The following SZT2 variants were observed in gnomAD, a reference collection of about 807,000 sequenced individuals.
The protein encoded by SZT2 is SZT2 subunit of KICSTOR complex.
SZT2 carries 216 observed loss-of-function variants against 404.2 expected under a neutral mutation model. That is an observed-to-expected ratio of 0.53 (90% CI 0.48 to 0.60). SZT2 has a LOEUF of 0.60. SZT2 is among the 20% of genes least tolerant of loss of function. SZT2 has a pLI of 0.00. For missense variants in SZT2, 3,857 were observed against 4,459.2 expected, an observed-to-expected ratio of 0.86 and a Z score of 3.85; for synonymous variants, 1,693 against 1,749.9, an observed-to-expected ratio of 0.97 and a Z score of 0.81.
At chr1:43,446,040 G>GA (rs1472131814) in intron 63 of SZT2, 56 bp downstream of exon 63, 3 of 1,600,826 alleles carry the variant, frequency 1.9e-6, no homozygotes, top group Non-Finnish European at 2.6e-6. Flanking sequence ...CCCACGGCCT[G>GA]AGGTCATTGA....
At chr1:43,449,321 C>G (rs1656091201) in intron 70 of SZT2, 1 of 161,000 alleles carries the variant, frequency 6.2e-6, no homozygotes, top group Admixed American at 5.8e-5. Context: ...AGAGAGGAGG[C>G]ATTACAAGAG....
At chr1:43,438,531 G>A (rs1654707909) in intron 46 of SZT2, among the ~76,000 whole-genome samples, 168 bp from the exon 47 acceptor site, 1 of 152,118 alleles carries the variant, frequency 6.6e-6, no homozygotes, top group South Asian at 2.1e-4. Context: ...GTGACATAAC[G>A]AGTAGTTTGG....
At chr1:43,409,282 A>G (rs1238729093) in intron 4 of SZT2, among the ~76,000 whole-genome samples, 1 of 152,132 alleles carries the variant, frequency 6.6e-6, no homozygotes, top group East Asian at 1.9e-4. Flanking sequence ...GGGCGTTCCT[A>G]TTGACTGACT....
At position 43,453,870 on chromosome 1, in the gene SZT2, G is replaced by T; in HGVS notation, c.*3390G>T. The T allele has an allele frequency of 8.1e-7, 1 of 1,228,498 alleles. No homozygotes were observed. The highest frequency in any genetic ancestry group is 1.0e-6 in the Non-Finnish European group (1 of 986,664). The allele number at this position is 1,228,498 out of a possible 1,614,324, so 76.1% of individuals were successfully genotyped here. On this transcript the variant is annotated 3_prime_UTR_variant, in exon 72 of 72. Transcript: ENST00000634258. The stretch of plus-strand genomic sequence containing the variant: ...GGCGGGCGGCGGGCGGCGGGCGGGG[G>T]CGGGGCTCTCCTTGCTGGCCCTGCG...
chr1:43,442,283 A>C lies in SZT2; in HGVS notation c.7889A>C (p.Gln2630Pro). The change falls in exon 57 of 72, where the codon CAG (glutamine) becomes CCG (proline). Residue 2630 changes from glutamine (Q) to proline (P), a missense_variant. Physicochemically the swap from Gln to Pro is moderately conservative, Grantham distance 76. Coordinates refer to ENST00000634258, the MANE Select transcript of SZT2 (RefSeq NM_001365999.1). This position sits in a 1 kb window ranked among gnomAD's most constrained non-coding sequence, Gnocchi z 4.5. Reference sequence around the variant, plus strand: ...CACCCTGTAGCTGCCAAAGCCATGCAGCGCTTCGAGCCAGGAGGTGATGGG... The same window carrying C: ...CACCCTGTAGCTGCCAAAGCCATGCCGCGCTTCGAGCCAGGAGGTGATGGG... The part of the protein sequence containing the change: ...RPTQQAAKAM[Q>P]RFEPGGDGSS... 1 of 1,613,742 alleles carries C rather than the reference A, an allele frequency of 6.2e-7. No individual in the cohort carries two copies. Among genetic ancestry groups the C allele is most frequent in the Non-Finnish European group, 8.5e-7 (1 of 1,179,814 alleles).
chr1:43,424,824 GA>G lies in SZT2; in HGVS notation c.2514del (p.Gly839GlufsTer92). On this transcript the variant is annotated frameshift_variant, in exon 17 of 72. Coordinates refer to ENST00000634258, the MANE Select transcript of SZT2 (RefSeq NM_001365999.1). LOFTEE classifies it high-confidence loss of function. This position sits in a 1 kb window ranked among gnomAD's most constrained non-coding sequence, Gnocchi z 4.1. Reference sequence around the variant, plus strand: ...AGGATTCCACTTCGCCTGCAGTGGGGAAGGAATCATCAACATGGTTCTGGAG... The same window carrying G: ...AGGATTCCACTTCGCCTGCAGTGGGGAGGAATCATCAACATGGTTCTGGAG... ...SEGFHFACSG[E>X]GIINMVLELP... 6.2e-7 allele frequency: 1 copy of G among 1,614,064 alleles called. No individual in the cohort carries two copies. The highest frequency in any genetic ancestry group is 8.5e-7 in the Non-Finnish European group (1 of 1,179,958).
intron 29 of SZT2, 64 bp from the exon 30 acceptor site, chr1:43,429,947 G>T: frequency 6.2e-7 from 1 of 1,612,228 alleles, no homozygotes; most frequent in Non-Finnish European, 8.5e-7. Flanking sequence ...CTGCTCTAGG[G>T]TAGGGAGTAG....
Position 43,453,395 on chromosome 1 carries a change from C to T in SZT2, c.*2915C>T, listed in dbSNP as rs141158872. On this transcript the variant is annotated 3_prime_UTR_variant, in exon 72 of 72. Transcript: ENST00000634258. ...GGGTGGAGCGGGGTACCTGGGACAG[C>T]CCAGGGCTTTGGCATACCGCACGGC... The T allele has an allele frequency of 4.9e-4, 756 of 1,553,608 alleles. 4 individuals carry two copies. In the African/African-American group the frequency reaches 9.1e-3, roughly 19 times the overall value.
rs181147154 is a variant in SZT2 at position 43,413,368 on chromosome 1, C to T, written c.499-1714C>T. On this transcript the variant is annotated intron_variant, in intron 4 of 71. Transcript: ENST00000634258. ...CTGCACTCCAGCCTGGGTGACAGAG[C>T]AAGACTCCATCTCAAACAAAAAACA... is the stretch of plus-strand genomic sequence containing the variant. Among the ~76,000 whole-genome samples the T allele has an allele frequency of 2.6e-5, 4 of 152,250 alleles. No homozygotes were observed. The East Asian group carries it at 7.7e-4, about 29-fold the overall frequency.
intron 46 of SZT2, 106 bp downstream of exon 46, chr1:43,438,008 C>G: frequency 1.7e-6 from 2 of 1,193,710 alleles, no homozygotes; most frequent in Non-Finnish European, 2.4e-6. Context: ...ATGTAACAGT[C>G]TCAGCCCAAG....
intron 51 of SZT2, 83 bp downstream of exon 51, chr1:43,440,131 G>A: frequency 6.4e-7 from 1 of 1,556,324 alleles, no homozygotes; most frequent in South Asian, 1.2e-5. Context: ...GTGCAAAGGT[G>A]GGGTTTAGGG....
At chr1:43,446,532 T>A in intron 65 of SZT2, 116 bp downstream of exon 65, 3 of 1,245,542 alleles carry the variant, frequency 2.4e-6, no homozygotes, top group Non-Finnish European at 3.4e-6. Flanking sequence ...GGCCCAGTGA[T>A]TGATTCACTG....
rs766767234 is a variant in SZT2, at chr1:43,442,991, G to A, written c.8324G>A (p.Arg2775His). 9.9e-6 allele frequency: 16 copies of A among 1,613,956 alleles called. No individual in the cohort carries two copies. Among genetic ancestry groups the A allele is most frequent in the East Asian group, 2.2e-5 (1 of 44,898 alleles). ...GCCCTAAGGGATATCACGGCTGCCC[G>A]CCCCAGCTCCGTACTTGGTCCTGTG... ...DEALRDITAA[R>H]PSSVLGPVPR... Residue 2775 changes from arginine (R) to histidine (H), a missense_variant, in exon 59 of 72, where the codon CGC becomes CAC. By Grantham distance (29) the Arg-to-His change is conservative (BLOSUM62 0). Around this residue, in one of 7 missense-constraint regions of SZT2, gnomAD observed 717 missense variants for 868.2 expected, o/e 0.83. Transcript: ENST00000634258. This position sits in a 1 kb window ranked among gnomAD's most constrained non-coding sequence, Gnocchi z 4.5.
chr1:43,452,299 C>T lies in SZT2; in HGVS notation c.*1819C>T, dbSNP rs751310206. On this transcript the variant is annotated 3_prime_UTR_variant, in exon 72 of 72. Coordinates refer to ENST00000634258, the MANE Select transcript of SZT2 (RefSeq NM_001365999.1). ...TATTCGATCAGCTCCCTGGGGTACTCGGCCAGCCATCAGGTGGATCCTGTG... is the reference window on the plus strand; with the variant it reads ...TATTCGATCAGCTCCCTGGGGTACTTGGCCAGCCATCAGGTGGATCCTGTG... The T allele has an allele frequency of 6.8e-6, 11 of 1,613,840 alleles. No homozygotes were observed. The highest frequency in any genetic ancestry group is 2.2e-5 in the East Asian group (1 of 44,882).
At position 43,437,999 on chromosome 1, in the gene SZT2, T is replaced by A; in HGVS notation, c.6508+97T>A. On this transcript the variant is annotated intron_variant, in intron 46 of 71. Transcript: ENST00000634258. The surrounding 1 kb of genome is among the most constrained non-coding windows in gnomAD (Gnocchi z 5.3). ...CTTGCAAGCATTACACTAGAAGTTA[T>A]GTAACAGTCTCAGCCCAAGACCTGA... The A allele has an allele frequency of 7.9e-7, 1 of 1,258,922 alleles. No homozygotes were observed. 78.0% of individuals were successfully genotyped at this position (1,258,922 alleles called of 1,614,324 possible).
chr1:43,416,352 G>A (rs958185974), intron 6 of SZT2, among the ~76,000 whole-genome samples, 183 bp from the exon 7 acceptor site: 1 of 152,176 alleles, frequency 6.6e-6, no homozygotes, highest in Admixed American at 6.5e-5. Flanking sequence ...GCATTCAAGA[G>A]GAAGAAGCAG....
Position 43,448,374 on chromosome 1 carries a change from C to T in SZT2, c.9859C>T (p.Pro3287Ser), listed in dbSNP as rs1655951724. Residue 3287 changes from proline (P) to serine (S), a missense_variant, in exon 69 of 72, where the codon CCA becomes TCA. Around this residue, in one of 7 missense-constraint regions of SZT2, gnomAD observed 717 missense variants for 868.2 expected, o/e 0.83. Coordinates refer to ENST00000634258, the MANE Select transcript of SZT2 (RefSeq NM_001365999.1). The surrounding 1 kb of genome is among the most constrained non-coding windows in gnomAD (Gnocchi z 4.2). ...TLWKRLFLLE[P>S]PGPDRLRLGG... is the part of the protein sequence containing the mutation. ...TTGGAAGCGCCTCTTCTTGCTGGAG[C>T]CACCGGGGCCTGATCGACTGCGGCT... 1.3e-6 allele frequency: 2 copies of T among 1,558,798 alleles called. No individual in the cohort carries two copies. The highest frequency in any genetic ancestry group is 3.9e-5 in the Admixed American group (2 of 51,504).
At chr1:43,445,448 A>C in intron 62 of SZT2, 1 of 254,194 alleles carries the variant, frequency 3.9e-6, no homozygotes, top group East Asian at 9.1e-5. Flanking sequence ...CCTCTGCACT[A>C]AACTGTAACG....
chr1:43,424,447 C>G lies in SZT2; in HGVS notation c.2471+15C>G. The G allele has an allele frequency of 6.3e-7, 1 of 1,595,922 alleles. No homozygotes were observed. Among genetic ancestry groups the G allele is most frequent in the Admixed American group, 1.7e-5 (1 of 59,976 alleles). On this transcript the variant is annotated intron_variant, in intron 16 of 71. Coordinates refer to ENST00000634258, the MANE Select transcript of SZT2 (RefSeq NM_001365999.1). This position sits in a 1 kb window ranked among gnomAD's most constrained non-coding sequence, Gnocchi z 4.1. ...ATCCTCACTGAGTATGTCATCCAAG[C>G]CTGCCAGGTCACTCGGGGCAAGGAG...
Sources: gnomAD v4.1 joint callset for allele counts (sites outside exome capture counted in the v4.1 genomes callset) on GRCh38, gnomAD v4.1.1 for gene constraint, gnomAD v4.1.1 regional missense constraint, Gnocchi (gnomAD v3.1) non-coding constraint, MANE v1.5 for transcripts, NCBI Gene and HGNC (gene_info 2026-07-23, HGNC 2026-07-21) for gene names.